SCAPER: variants seen among roughly 807,000 people sequenced by gnomAD.
SCAPER encodes S-phase cyclin A associated protein in the ER, also known as S phase cyclin A-associated protein in the endoplasmic reticulum.
A neutral mutation model predicts 182.2 loss-of-function variants in SCAPER; 98 were observed. The observed-to-expected ratio is 0.54, with a 90% CI of 0.46 to 0.64. SCAPER has a LOEUF of 0.64. SCAPER is among the 30% of genes least tolerant of loss of function. The pLI is 0.00. For synonymous variants in SCAPER, 605 were observed against 564.6 expected (o/e 1.07, Z -1.01); for missense variants, 1,432 against 1,690.0 (o/e 0.85, Z 2.68).
Position 76,376,866 on chromosome 15 carries a change from C to T in SCAPER, c.3706-555G>A, listed in dbSNP as rs113758001. On this transcript the variant is annotated intron_variant, in intron 28 of 31. Coordinates refer to ENST00000563290, the MANE Select transcript of SCAPER (RefSeq NM_020843.4). ...ATGTAAAAAAACAAAACAAAAAATT[C>T]TCCCTAAAACCATGAAATCCCTCAG... Among the ~76,000 whole-genome samples, 253 of 152,290 alleles carry T rather than the reference C, an allele frequency of 1.7e-3. 2 individuals carry two copies. The highest frequency in any genetic ancestry group is 0.014 in the Middle Eastern group (4 of 294).
chr15:76,888,351 G>A (rs2073971581), intron 1 of SCAPER, among the ~76,000 whole-genome samples: 1 of 152,312 alleles, frequency 6.6e-6, no homozygotes, highest in Non-Finnish European at 1.5e-5. Context: ...GTAGGCTTCG[G>A]AAGGTCGGTA....
intron 5 of SCAPER, among the ~76,000 whole-genome samples, chr15:76,829,188 T>G (rs2068250262): frequency 6.6e-6 from 1 of 152,114 alleles, no homozygotes; most frequent in African/African-American, 2.4e-5. Context: ...TTATTCTAAG[T>G]GAAGTAACTC....
In SCAPER at chr15:76,775,020, TTC is replaced by T. The variant is rs1301127501; in HGVS notation, c.868_869del (p.Glu290SerfsTer7). 2 of 1,613,770 alleles carry T rather than the reference TTC, an allele frequency of 1.2e-6. No homozygotes were observed. Among genetic ancestry groups the T allele is most frequent in the African/African-American group, 2.7e-5 (2 of 74,934 alleles). ...CACTGTCATCCTTTGATCTTGTGGC[TTC>T]TGTTGCCAATGAAACTTTTGGCATC... The part of the protein sequence containing the change: ...AVMPKVSLAT[E>X]ATRSKDDSDK... On this transcript the variant is annotated frameshift_variant, in exon 9 of 32. Transcript: ENST00000563290. LOFTEE classifies it high-confidence loss of function.
At chr15:76,872,950 A>G (rs182644162) in intron 2 of SCAPER, among the ~76,000 whole-genome samples, 7 of 152,040 alleles carry the variant, frequency 4.6e-5, no homozygotes, top group Admixed American at 4.6e-4. Context: ...GACTCTAGTA[A>G]GTCATTAAGA....
intron 5 of SCAPER, among the ~76,000 whole-genome samples, chr15:76,828,870 T>C (rs967153752): frequency 6.6e-6 from 1 of 152,150 alleles, no homozygotes; most frequent in African/African-American, 2.4e-5. Flanking sequence ...GATTATAACA[T>C]TAATATCAGA....
chr15:76,362,447 C>G (rs1596302896), intron 29 of SCAPER, among the ~76,000 whole-genome samples: 1 of 148,108 alleles, frequency 6.8e-6, no homozygotes, highest in African/African-American at 2.5e-5. Context: ...GAGTCTTGCT[C>G]TGTCGCCCAG....
chr15:76,755,595 A>T (rs1405724702), intron 14 of SCAPER, among the ~76,000 whole-genome samples: 1 of 152,178 alleles, frequency 6.6e-6, no homozygotes, highest in Non-Finnish European at 1.5e-5. Context: ...AGCCTCTGAG[A>T]TGGTGCCCAC....
At chr15:76,785,863 CTG>C (rs1038930512) in intron 8 of SCAPER, among the ~76,000 whole-genome samples, 31 of 152,082 alleles carry the variant, frequency 2.0e-4, no homozygotes, top group African/African-American at 6.8e-4. Flanking sequence ...ACATCACACA[CTG>C]GGGCCTGTCG....
intron 22 of SCAPER, among the ~76,000 whole-genome samples, chr15:76,582,201 G>C (rs1472794725): frequency 6.6e-6 from 1 of 151,984 alleles, no homozygotes; most frequent in Non-Finnish European, 1.5e-5. Context: ...TCTCATGTTT[G>C]GAAAACCTAA....
chr15:76,706,504 G>A (rs2059269319), intron 17 of SCAPER, among the ~76,000 whole-genome samples: 1 of 152,152 alleles, frequency 6.6e-6, no homozygotes, highest in Non-Finnish European at 1.5e-5. Flanking sequence ...ATAAACTTAT[G>A]AAGGAAGAGA....
intron 10 of SCAPER, among the ~76,000 whole-genome samples, chr15:76,770,729 A>G (rs768075676): frequency 5.4e-4 from 82 of 152,084 alleles, no homozygotes; most frequent in Non-Finnish European, 2.9e-4. Flanking sequence ...AAAATATACA[A>G]TTTGATATAC....
chr15:76,537,381 T>A (rs919268645), intron 23 of SCAPER, among the ~76,000 whole-genome samples: 2 of 152,018 alleles, frequency 1.3e-5, no homozygotes, highest in African/African-American at 4.8e-5. Flanking sequence ...TACAGATCAA[T>A]GGAACAGAAC....
intron 21 of SCAPER, among the ~76,000 whole-genome samples, chr15:76,636,254 T>A (rs2053593048): frequency 5.9e-5 from 9 of 152,172 alleles, no homozygotes; most frequent in Admixed American, 5.9e-4. Flanking sequence ...GCCTCCATCA[T>A]CTCCAGTGAG....
intron 27 of SCAPER, among the ~76,000 whole-genome samples, chr15:76,400,391 T>C (rs983361080): frequency 2.0e-5 from 3 of 152,226 alleles, no homozygotes; most frequent in Admixed American, 2.0e-4. Flanking sequence ...GACATGGCTA[T>C]GACCTATAGC....
Position 76,394,387 on chromosome 15 carries a change from A to C in SCAPER, c.3467+10137T>G, listed in dbSNP as rs75579886. Reference sequence around the variant, plus strand: ...CTGGAAGACCAGATAGGGGACTTTAAGTTTCCTTTCAATCAACAGAATGTG... The same window carrying C: ...CTGGAAGACCAGATAGGGGACTTTACGTTTCCTTTCAATCAACAGAATGTG... On this transcript the variant is annotated intron_variant, in intron 27 of 31. Transcript: ENST00000563290. Among the ~76,000 whole-genome samples, 233 of 152,334 alleles carry C rather than the reference A, an allele frequency of 1.5e-3. 1 individual carries two copies. Among genetic ancestry groups the C allele is most frequent in the African/African-American group, 5.3e-3 (219 of 41,576 alleles).
At chr15:76,584,472 T>A (rs1440915119) in intron 22 of SCAPER, among the ~76,000 whole-genome samples, 1 of 150,502 alleles carries the variant, frequency 6.6e-6, no homozygotes. Context: ...CCATTTACCC[T>A]GATGTGATTA....
intron 1 of SCAPER, among the ~76,000 whole-genome samples, chr15:76,890,446 G>A (rs973024726): frequency 4.6e-5 from 7 of 151,996 alleles, no homozygotes; most frequent in Non-Finnish European, 1.5e-5. Flanking sequence ...AGAAAAGACC[G>A]AAGAATGAAA....
At position 76,889,339 on chromosome 15, in the gene SCAPER, G is replaced by A. The variant is rs1328288106; in HGVS notation, c.-59-5463C>T. 2.6e-5 allele frequency among the ~76,000 whole-genome samples: 4 copies of A among 152,188 alleles called. No homozygotes were observed. In the South Asian group the frequency reaches 6.2e-4, roughly 24 times the overall value. On this transcript the variant is annotated intron_variant, in intron 1 of 31. Coordinates refer to ENST00000563290, the MANE Select transcript of SCAPER (RefSeq NM_020843.4). ...ACACATAACAATATTAACCTTAAAT[G>A]TAAATGGGCTAAATGCCCCAATTAA...
intron 22 of SCAPER, among the ~76,000 whole-genome samples, chr15:76,617,702 C>T (rs1174706197): frequency 6.6e-6 from 1 of 152,162 alleles, no homozygotes; most frequent in Non-Finnish European, 1.5e-5. Context: ...GAACAGAAAC[C>T]ATAGACCCGT....
Sources: allele counts gnomAD v4.1 joint callset (sites outside exome capture counted in the v4.1 genomes callset), GRCh38; gene constraint gnomAD v4.1.1; transcripts MANE v1.5; gene names NCBI Gene and HGNC (gene_info 2026-07-23, HGNC 2026-07-21).